Variants in ARMH3 observed in about 807,000 individuals in gnomAD.
ARMH3 encodes the protein armadillo-like helical domain-containing protein 3.
A neutral mutation model predicts 99.1 loss-of-function variants in ARMH3; 60 were observed. The ratio of observed to expected loss-of-function variants is 0.61; its 90% CI spans 0.49 to 0.75. The LOEUF is 0.75. Ranked by LOEUF, ARMH3 falls within the 30% of genes least tolerant of loss-of-function variation. The pLI is 0.00. For synonymous variants in ARMH3, 285 were observed against 292.8 expected (o/e 0.97, Z 0.27); for missense variants, 679 against 843.1 (o/e 0.81, Z 2.41).
intron 20 of ARMH3, among the ~76,000 whole-genome samples, chr10:101,960,189 A>G (rs911972441): frequency 3.3e-5 from 5 of 152,132 alleles, no homozygotes; most frequent in Non-Finnish European, 7.4e-5. Flanking sequence ...AAAAAAAAAA[A>G]GAACTATCTA....
intron 23 of ARMH3, among the ~76,000 whole-genome samples, chr10:101,904,676 G>C (rs1415586382): frequency 6.6e-6 from 1 of 151,814 alleles, no homozygotes; most frequent in Non-Finnish European, 1.5e-5. Context: ...TCAGTTGGCT[G>C]GGCATGGTGG....
rs532300807 is a variant in ARMH3 at position 102,023,644 on chromosome 10, C to T, written c.582+31G>A. On this transcript the variant is annotated intron_variant, in intron 7 of 25. Transcript: ENST00000370033. ...AGAGAAAATTTGAAGAGGTGGTTTA[C>T]CCCAAAGAGAGGAGGTAACAAGGGA... 15 of 1,610,356 alleles carry T rather than the reference C, an allele frequency of 9.3e-6. No individual in the cohort carries two copies. In the South Asian group the frequency reaches 1.5e-4, roughly 17 times the overall value.
chr10:101,961,132 T>C (rs960504011), intron 20 of ARMH3, among the ~76,000 whole-genome samples: 2 of 152,162 alleles, frequency 1.3e-5, no homozygotes, highest in African/African-American at 4.8e-5. Context: ...AAGTATTTAA[T>C]ACCTCATTAT....
chr10:101,971,553 A>AAAAAT (rs918631298), intron 20 of ARMH3, among the ~76,000 whole-genome samples: 31 of 152,276 alleles, frequency 2.0e-4, no homozygotes, highest in South Asian at 6.2e-4. Flanking sequence ...TCTTTCTCAA[A>AAAAAT]AAAATAAAAT....
rs1176720659 is a variant in ARMH3 at position 101,898,364 on chromosome 10, T to TA, written c.1782-8875dup. Among the ~76,000 whole-genome samples the TA allele has an allele frequency of 5.5e-3, 746 of 134,928 alleles. 6 individuals carry two copies. Among genetic ancestry groups the TA allele is most frequent in the African/African-American group, 0.016 (568 of 36,496 alleles). 88.5% of individuals were successfully genotyped at this position (134,928 alleles called of 152,430 possible). On this transcript the variant is annotated intron_variant, in intron 23 of 25. Coordinates refer to ENST00000370033, the MANE Select transcript of ARMH3 (RefSeq NM_024541.3). ...CAGAGCAAGACCCAGTCTTAAGAAA[T>TA]AAAAAAAAAAGAAGAAGAAAAAGAA...
intron 24 of ARMH3, among the ~76,000 whole-genome samples, chr10:101,861,916 G>C (rs2066881972): frequency 1.3e-5 from 2 of 149,884 alleles, no homozygotes; most frequent in Admixed American, 6.6e-5. Context: ...CAGGCGTGGT[G>C]GTGGGCGCCT....
At position 102,026,678 on chromosome 10, in the gene ARMH3, A is replaced by T. The variant is rs570905809; in HGVS notation, c.415-1430T>A. Among the ~76,000 whole-genome samples, 18 of 152,312 alleles carry T rather than the reference A, an allele frequency of 1.2e-4. 1 individual carries two copies. In the South Asian group the frequency reaches 3.5e-3, roughly 30 times the overall value. On this transcript the variant is annotated intron_variant, in intron 5 of 25. Coordinates refer to ENST00000370033, the MANE Select transcript of ARMH3 (RefSeq NM_024541.3). ...GGTGAGATATAAGCCTGGGGAAGTAAATATGGTGCAGATTTTGAAAGTTTT... is the reference window on the plus strand; with the variant it reads ...GGTGAGATATAAGCCTGGGGAAGTATATATGGTGCAGATTTTGAAAGTTTT...
rs890973440 is a variant in ARMH3 at position 101,892,616 on chromosome 10, T to TA, written c.1782-3127dup. Among the ~76,000 whole-genome samples the TA allele has an allele frequency of 1.5e-3, 226 of 151,206 alleles. 1 individual carries two copies. Among genetic ancestry groups the TA allele is most frequent in the African/African-American group, 5.2e-3 (214 of 41,200 alleles). On this transcript the variant is annotated intron_variant, in intron 23 of 25. Transcript: ENST00000370033. ...GTAATAAAAGTATAAACCAAAAACT[T>TA]AAAAAAAAATACCAATCCCAGCACT...
At chr10:101,943,026 C>T (rs1844314442) in intron 22 of ARMH3, among the ~76,000 whole-genome samples, 1 of 152,042 alleles carries the variant, frequency 6.6e-6, no homozygotes, top group African/African-American at 2.4e-5. Context: ...AGGAGGAAAA[C>T]AAAGAAGGTG....
chr10:101,966,686 G>T (rs1845559326), intron 20 of ARMH3, among the ~76,000 whole-genome samples: 1 of 152,092 alleles, frequency 6.6e-6, no homozygotes, highest in Admixed American at 6.5e-5. Context: ...TACACAATGA[G>T]AACTTTCCCA....
intron 4 of ARMH3, among the ~76,000 whole-genome samples, chr10:102,032,272 T>G (rs2067149335): frequency 6.6e-6 from 1 of 152,200 alleles, no homozygotes; most frequent in Non-Finnish European, 1.5e-5. Flanking sequence ...AACTCTGTAG[T>G]ATATCTCTAT....
intron 23 of ARMH3, among the ~76,000 whole-genome samples, chr10:101,918,378 T>C (rs943042937): frequency 6.6e-6 from 1 of 152,158 alleles, no homozygotes; most frequent in African/African-American, 2.4e-5. Flanking sequence ...CTTTAATAAC[T>C]ATAGGAAAAC....
chr10:101,941,665 T>G (rs1358960483), intron 22 of ARMH3, among the ~76,000 whole-genome samples: 1 of 152,194 alleles, frequency 6.6e-6, no homozygotes, highest in South Asian at 2.1e-4. Flanking sequence ...CAGTGCTGCT[T>G]TTTTAATTTA....
At chr10:102,027,241 T>A (rs527983180) in intron 5 of ARMH3, among the ~76,000 whole-genome samples, 10 of 138,850 alleles carry the variant, frequency 7.2e-5, no homozygotes, top group Non-Finnish European at 1.2e-4. Context: ...ATTGCACCAC[T>A]GGACTCCAGC....
At chr10:101,851,947 G>A (rs1343457323) in intron 24 of ARMH3, among the ~76,000 whole-genome samples, 1 of 152,218 alleles carries the variant, frequency 6.6e-6, no homozygotes, top group Non-Finnish European at 1.5e-5. Context: ...TCTCATGCAC[G>A]TGGGCTGCAC....
intron 8 of ARMH3, 121 bp downstream of exon 8, chr10:102,023,356 A>C: frequency 1.1e-6 from 1 of 882,068 alleles, no homozygotes; most frequent in East Asian, 2.5e-5. Flanking sequence ...CTGGATTATC[A>C]AAATTAATCA....
At chr10:101,857,170 G>A (rs2066754845) in intron 24 of ARMH3, among the ~76,000 whole-genome samples, 1 of 152,080 alleles carries the variant, frequency 6.6e-6, no homozygotes, top group Admixed American at 6.6e-5. Context: ...AAAAGAAATA[G>A]TGCTGGGCCA....
chr10:101,880,659 G>GC (rs1470326391), intron 24 of ARMH3, among the ~76,000 whole-genome samples: 6 of 151,902 alleles, frequency 3.9e-5, no homozygotes, highest in Non-Finnish European at 7.4e-5. Flanking sequence ...ACAACCCCCG[G>GC]CCCCCCAGCA....
intron 2 of ARMH3, 61 bp from the exon 3 acceptor site, chr10:102,033,400 C>A (rs1489282925): frequency 2.7e-6 from 4 of 1,506,744 alleles, no homozygotes; most frequent in Non-Finnish European, 3.6e-6. Flanking sequence ...ATTAAGAATA[C>A]TATACATAGT....
Sources: allele counts gnomAD v4.1 joint callset (sites outside exome capture counted in the v4.1 genomes callset), GRCh38; gene constraint gnomAD v4.1.1; transcripts MANE v1.5; gene names NCBI Gene and HGNC (gene_info 2026-07-23, HGNC 2026-07-21).